Variants in FMN2 observed in about 807,000 individuals in gnomAD.
The protein encoded by FMN2 is formin 2, also known as formin-2.
A neutral mutation model predicts 142.3 loss-of-function variants in FMN2; 51 were observed. The observed-to-expected ratio is 0.36, with a 90% CI of 0.29 to 0.45. FMN2 has a LOEUF of 0.45. Among genes scored for constraint, FMN2 ranks in the 20% least tolerant of loss-of-function variants. The probability of loss-of-function intolerance (pLI) is 1.00; values close to 1 mark genes in which losing one functional copy is unlikely to be tolerated. For missense variants in FMN2, 1,936 were observed against 2,122.8 expected (o/e 0.91, Z 1.73); for synonymous variants, 882 against 869.8 (o/e 1.01, Z -0.25).
chr1:240,351,017 C>T (rs1672077905), intron 13 of FMN2, among the ~76,000 whole-genome samples: 1 of 152,200 alleles, frequency 6.6e-6, no homozygotes, highest in Non-Finnish European at 1.5e-5. Context: ...ATTCTAAGTA[C>T]TGGTAATACA....
intron 2 of FMN2, chr1:240,170,101 C>A: frequency 1.6e-6 from 1 of 606,650 alleles, no homozygotes. Context: ...CAGTTCCTCT[C>A]AGACAGTAAT....
chr1:240,470,269 G>T (rs1676767146), intron 16 of FMN2, among the ~76,000 whole-genome samples: 2 of 151,126 alleles, frequency 1.3e-5, no homozygotes, highest in African/African-American at 2.4e-5. Flanking sequence ...TAAATTTACT[G>T]GTAGCTGTTT....
At chr1:240,097,677 C>T (rs1661259820) in intron 1 of FMN2, among the ~76,000 whole-genome samples, 1 of 152,152 alleles carries the variant, frequency 6.6e-6, no homozygotes, top group Non-Finnish European at 1.5e-5. Flanking sequence ...AGTCTCTTTG[C>T]TCCTGTCCCT....
At chr1:240,419,534 G>A (rs1005436003) in intron 15 of FMN2, among the ~76,000 whole-genome samples, 6 of 152,106 alleles carry the variant, frequency 3.9e-5, no homozygotes, top group African/African-American at 1.4e-4. Flanking sequence ...CATTACTTCT[G>A]ACCGTGTAAG....
intron 16 of FMN2, among the ~76,000 whole-genome samples, chr1:240,443,028 G>A (rs1230638906): frequency 6.6e-6 from 1 of 152,168 alleles, no homozygotes; most frequent in Admixed American, 6.5e-5. Context: ...TGCCTATACT[G>A]TTTTTCCATC....
chr1:240,096,500 C>T (rs2061632), intron 1 of FMN2, among the ~76,000 whole-genome samples: 75,478 of 151,982 alleles, frequency 0.5, 20,353 homozygotes, highest in Non-Finnish European at 0.61. Flanking sequence ...TCTGCCACTA[C>T]GTTTGCTTCT....
chr1:240,272,004 C>T (rs1023867399), intron 7 of FMN2, among the ~76,000 whole-genome samples: 69 of 152,232 alleles, frequency 4.5e-4, no homozygotes, highest in African/African-American at 1.5e-3. Context: ...GAATGCAATA[C>T]TTGGGGTTGT....
chr1:240,129,742 A>T (rs1662659410), intron 2 of FMN2, among the ~76,000 whole-genome samples: 1 of 151,852 alleles, frequency 6.6e-6, no homozygotes, highest in Non-Finnish European at 1.5e-5. Flanking sequence ...ACCTCAAGTG[A>T]TCCACCCCCT....
chr1:240,455,840 T>G (rs1676221371), intron 16 of FMN2, among the ~76,000 whole-genome samples: 1 of 151,998 alleles, frequency 6.6e-6, no homozygotes, highest in Non-Finnish European at 1.5e-5. Context: ...CCAGGCGTGG[T>G]GACAGGCACC....
intron 1 of FMN2, among the ~76,000 whole-genome samples, chr1:240,118,376 GC>G (rs546570067): frequency 4.7e-4 from 71 of 152,264 alleles, no homozygotes; most frequent in African/African-American, 1.7e-3. Context: ...GGGCCACTGT[GC>G]AAATAAAATG....
At chr1:240,470,784 A>C (rs2103247477) in intron 16 of FMN2, among the ~76,000 whole-genome samples, 1 of 152,274 alleles carries the variant, frequency 6.6e-6, no homozygotes, top group Admixed American at 6.5e-5. Flanking sequence ...CACAGTAATA[A>C]AAAATAAATT....
At chr1:240,270,918 C>A (rs1668980344) in intron 7 of FMN2, among the ~76,000 whole-genome samples, 1 of 151,678 alleles carries the variant, frequency 6.6e-6, no homozygotes, top group South Asian at 2.1e-4. Flanking sequence ...TCCTGCTGGT[C>A]TATTGCACAG....
At chr1:240,315,378 T>G (rs897633759) in intron 8 of FMN2, among the ~76,000 whole-genome samples, 1 of 152,212 alleles carries the variant, frequency 6.6e-6, no homozygotes, top group Non-Finnish European at 1.5e-5. Flanking sequence ...AACCTTCCCT[T>G]CTTACTTCCC....
chr1:240,439,305 G>GT (rs985554179), intron 16 of FMN2, among the ~76,000 whole-genome samples: 22 of 117,252 alleles, frequency 1.9e-4, no homozygotes, highest in African/African-American at 6.1e-4. Flanking sequence ...GAAAGAAAGA[G>GT]TTACATCCTG....
chr1:240,351,349 T>G lies in FMN2; in HGVS notation c.4766-4467T>G, dbSNP rs530850941. ...AGAAGCAATAAGAATGCACATGACT[T>G]GAAACACCCAGACACTGGACAGGTG... On this transcript the variant is annotated intron_variant, in intron 13 of 17. Transcript: ENST00000319653. Among the ~76,000 whole-genome samples the G allele has an allele frequency of 3.3e-5, 5 of 152,222 alleles. No individual in the cohort carries two copies. The South Asian group carries it at 1.0e-3, about 32-fold the overall frequency.
intron 1 of FMN2, among the ~76,000 whole-genome samples, chr1:240,105,236 G>A (rs913023982): frequency 6.7e-6 from 1 of 150,296 alleles, no homozygotes. Flanking sequence ...AGCCTCCTGA[G>A]TAGCTGGGAT....
chr1:240,091,932 C>A lies in FMN2; in HGVS notation c.-178C>A. On this transcript the variant is annotated 5_prime_UTR_variant, in exon 1 of 18. Transcript: ENST00000319653. ...GCCACGGGAGCCGCCGCGCATTATG[C>A]AAAGCGGCGGCAGATGCGAGCGGGG... The A allele has an allele frequency of 9.0e-7, 1 of 1,105,726 alleles. No individual in the cohort carries two copies. The highest frequency in any genetic ancestry group is 2.2e-5 in the South Asian group (1 of 45,776). The allele number at this position is 1,105,726 out of a possible 1,614,324, so 68.5% of individuals were successfully genotyped here.
chr1:240,253,420 TC>T (rs927640465), intron 6 of FMN2, among the ~76,000 whole-genome samples: 2 of 152,206 alleles, frequency 1.3e-5, no homozygotes, highest in Middle Eastern at 3.2e-3. Flanking sequence ...AATGAAGTCT[TC>T]CATCCCAGAA....
chr1:240,139,834 C>G (rs1049851248), intron 2 of FMN2, among the ~76,000 whole-genome samples: 1 of 151,902 alleles, frequency 6.6e-6, no homozygotes, highest in South Asian at 2.1e-4. Flanking sequence ...GTAGATGTAT[C>G]GGAAGGTTAG....
Sources: allele counts gnomAD v4.1 joint callset (sites outside exome capture counted in the v4.1 genomes callset), GRCh38; gene constraint gnomAD v4.1.1; transcripts MANE v1.5; gene names NCBI Gene and HGNC (gene_info 2026-07-23, HGNC 2026-07-21).